The following ASCL3 variants were observed in gnomAD, a reference collection of about 807,000 sequenced individuals.
ASCL3 encodes achaete-scute family bHLH transcription factor 3.
ASCL3 carries 1 observed loss-of-function variant against 2.3 expected under a neutral mutation model. That is an observed-to-expected ratio of 0.44 (90% CI 0.16 to 2.10). The LOEUF (loss-of-function observed/expected upper bound fraction) is 2.10. Ranked by LOEUF, ASCL3 falls within the 30% of genes most tolerant of loss-of-function variation. The pLI is 0.28. For missense variants in ASCL3, 243 were observed against 229.0 expected (o/e 1.06, Z -0.40); for synonymous variants, 98 against 88.5 (o/e 1.11, Z -0.60).
intron 1 of ASCL3, among the ~76,000 whole-genome samples, chr11:8,938,944 T>A (rs1589939226): frequency 6.6e-6 from 1 of 151,068 alleles, no homozygotes; most frequent in African/African-American, 2.4e-5. Flanking sequence ...GCTGGGACCA[T>A]ACGTGGCCAT....
At chr11:8,939,479 T>G (rs2064696237) in intron 1 of ASCL3, among the ~76,000 whole-genome samples, 1 of 152,068 alleles carries the variant, frequency 6.6e-6, no homozygotes, top group Non-Finnish European at 1.5e-5. Flanking sequence ...GACCTCATGA[T>G]CCACCCGCCT....
Position 8,937,944 on chromosome 11 carries a change from G to A in ASCL3, c.218C>T (p.Pro73Leu), listed in dbSNP as rs757468857. 9 of 1,614,054 alleles carry A rather than the reference G, an allele frequency of 5.6e-6. No individual in the cohort carries two copies. Among genetic ancestry groups the A allele is most frequent in the Non-Finnish European group, 7.6e-6 (9 of 1,179,956 alleles). The change falls in exon 2 of 2, where the codon CCC becomes CTC. Residue 73 changes from proline (P) to leucine (L), a missense_variant. By Grantham distance (98) the Pro-to-Leu change is moderately conservative. Transcript: ENST00000531618. ...TGGATAAGGCATCGGGAAAGAGAAG[G>A]GGCAGGGTTCACTGTAATTTCCCAG... ...LILGNYSEPCPFSFPMPYPNY... is the reference protein window; with the variant it reads ...LILGNYSEPCLFSFPMPYPNY...
At chr11:8,942,257 T>C (rs957323627) in intron 1 of ASCL3, among the ~76,000 whole-genome samples, 5 of 152,168 alleles carry the variant, frequency 3.3e-5, no homozygotes, top group Non-Finnish European at 5.9e-5. Flanking sequence ...CCAATCAATG[T>C]ACTAGCATTT....
Position 8,937,653 on chromosome 11 carries a change from G to A in ASCL3, c.509C>T (p.Thr170Ile), listed in dbSNP as rs2064685432. The A allele has an allele frequency of 1.2e-6, 2 of 1,613,936 alleles. No individual in the cohort carries two copies. The highest frequency in any genetic ancestry group is 1.7e-6 in the Non-Finnish European group (2 of 1,179,974). ...PGKVSSMIAT[T>I]SHHADPMFRI... ...GAACATAGGGTCAGCATGGTGGCTG[G>A]TGGTTGCTATCATGGAGGAAACTTT... The change falls in exon 2 of 2, where the codon ACC becomes ATC. Residue 170 changes from threonine (T) to isoleucine (I), a missense_variant. Thr to Ile is a moderately conservative substitution (Grantham distance 89). Coordinates refer to ENST00000531618, the MANE Select transcript of ASCL3 (RefSeq NM_020646.3).
intron 1 of ASCL3, among the ~76,000 whole-genome samples, chr11:8,942,744 C>A (rs1359801562): frequency 6.6e-6 from 1 of 152,154 alleles, no homozygotes; most frequent in Admixed American, 6.5e-5. Context: ...AAGCTAGTAG[C>A]AGAGCAGGGG....
intron 1 of ASCL3, among the ~76,000 whole-genome samples, chr11:8,939,955 G>A (rs1371554640): frequency 6.6e-6 from 1 of 151,986 alleles, no homozygotes; most frequent in East Asian, 1.9e-4. Flanking sequence ...GCTATGTTTA[G>A]GTTTTTAAAT....
At chr11:8,939,786 A>G (rs1467141487) in intron 1 of ASCL3, among the ~76,000 whole-genome samples, 1 of 152,150 alleles carries the variant, frequency 6.6e-6, no homozygotes, top group Non-Finnish European at 1.5e-5. Flanking sequence ...CTGATGTGCT[A>G]GAGGCAAAAC....
chr11:8,941,543 C>T (rs1034850056), intron 1 of ASCL3, among the ~76,000 whole-genome samples: 4 of 110,804 alleles, frequency 3.6e-5, no homozygotes, highest in African/African-American at 1.2e-4. Context: ...GGCAGGGGTG[C>T]CGGGAGGGAG....
At chr11:8,941,499 G>A (rs1172675783) in intron 1 of ASCL3, among the ~76,000 whole-genome samples, 8 of 152,064 alleles carry the variant, frequency 5.3e-5, no homozygotes, top group Non-Finnish European at 2.9e-5. Flanking sequence ...AAGTATGAAG[G>A]TCAGGGGACT....
chr11:8,942,745 A>C (rs557281843), intron 1 of ASCL3, among the ~76,000 whole-genome samples: 3 of 152,330 alleles, frequency 2.0e-5, no homozygotes, highest in African/African-American at 4.8e-5. Flanking sequence ...AGCTAGTAGC[A>C]GAGCAGGGGC....
rs186739464 is a variant in ASCL3, at chr11:8,938,491, C to T, written c.-12-318G>A. Among the ~76,000 whole-genome samples, 306 of 151,986 alleles carry T rather than the reference C, an allele frequency of 2.0e-3. 3 individuals carry two copies. Among genetic ancestry groups the T allele is most frequent in the Non-Finnish European group, 3.4e-3 (230 of 67,978 alleles). Reference sequence around the variant, plus strand: ...GTCTCGATCTCTTGACCTTGTGATCCGCCCGCCTCAGCCTCCCAAAGTGCT... The same window carrying T: ...GTCTCGATCTCTTGACCTTGTGATCTGCCCGCCTCAGCCTCCCAAAGTGCT... On this transcript the variant is annotated intron_variant, in intron 1 of 1. Transcript: ENST00000531618.
In ASCL3 at chr11:8,937,757, G is replaced by A. The variant is rs2064686026; in HGVS notation, c.405C>T (p.Leu135=). 1.9e-6 allele frequency: 3 copies of A among 1,613,942 alleles called. No homozygotes were observed. Among genetic ancestry groups the A allele is most frequent in the Non-Finnish European group, 1.7e-6 (2 of 1,179,984 alleles). ...LEKRLSKVET[L]RAAIKYINYL... is the part of the protein sequence containing the mutation. ...AGTTAATGTACTTGATCGCAGCTCT[G>A]AGGGTTTCCACTTTGCTGAGTCGCT... The change falls in exon 2 of 2, where the codon CTC becomes CTT. Residue 135 remains leucine, a synonymous_variant. Transcript: ENST00000531618.
chr11:8,937,841 T>C lies in ASCL3; in HGVS notation c.321A>G (p.Lys107=), dbSNP rs2064686803. The C allele has an allele frequency of 1.2e-6, 2 of 1,613,964 alleles. No individual in the cohort carries two copies. Among genetic ancestry groups the C allele is most frequent in the African/African-American group, 2.7e-5 (2 of 74,922 alleles). Residue 107 remains lysine (K), a synonymous_variant, in exon 2 of 2, where the codon AAA becomes AAG. Coordinates refer to ENST00000531618, the MANE Select transcript of ASCL3 (RefSeq NM_020646.3). The part of the protein sequence containing the change: ...KRNERERQRV[K]CVNEGYAQLR... ...GCTGGGCGTAGCCTTCATTGACACA[T>C]TTCACCCGCTGCCTTTCCCGCTCAT...
In ASCL3 at chr11:8,937,982, G is replaced by C. The variant is rs769057327; in HGVS notation, c.180C>G (p.Ser60Arg). 1.7e-5 allele frequency: 27 copies of C among 1,613,988 alleles called. No individual in the cohort carries two copies. In the South Asian group the frequency reaches 2.7e-4, roughly 16 times the overall value. The stretch of plus-strand genomic sequence containing the variant: ...TGTAATTTCCCAGGATAAGAGAGTC[G>C]CTGGGAAAAGGCAGCCGTGGCAGCT... ...SEELPRLPFP[S>R]DSLILGNYSE... Residue 60 changes from serine to arginine, a missense_variant, in exon 2 of 2, where the codon AGC (serine) becomes AGG (arginine). Transcript: ENST00000531618.
In ASCL3 at chr11:8,937,907, C is replaced by T; in HGVS notation, c.255G>A (p.Gly85=). Reference sequence around the variant, plus strand: ...AGGCTGGCCCGTAGGAGTACTCGCACCCTCTGTAATTTGGATAAGGCATCG... The same window carrying T: ...AGGCTGGCCCGTAGGAGTACTCGCATCCTCTGTAATTTGGATAAGGCATCG... ...SFPMPYPNYR[G]CEYSYGPAFT... is the part of the protein sequence containing the mutation. The change falls in exon 2 of 2, where the codon GGG becomes GGA. Residue 85 remains glycine, a synonymous_variant. Transcript: ENST00000531618. The T allele has an allele frequency of 6.2e-7, 1 of 1,614,106 alleles. No homozygotes were observed. Among genetic ancestry groups the T allele is most frequent in the South Asian group, 1.1e-5 (1 of 91,082 alleles).
At chr11:8,938,256 A>T (rs1049743008) in intron 1 of ASCL3, 83 bp from the exon 2 acceptor site, 1 of 1,281,396 alleles carries the variant, frequency 7.8e-7, no homozygotes, top group East Asian at 2.3e-5. Flanking sequence ...GTTTTATTTT[A>T]TTTTATTTTT....
In ASCL3 at chr11:8,938,030, C is replaced by T. The variant is rs200189639; in HGVS notation, c.132G>A (p.Pro44=). 27 of 1,613,704 alleles carry T rather than the reference C, an allele frequency of 1.7e-5. No individual in the cohort carries two copies. Among genetic ancestry groups the T allele is most frequent in the Admixed American group, 8.3e-5 (5 of 59,964 alleles). Residue 44 remains proline (P), a synonymous_variant, in exon 2 of 2, where the codon CCG becomes CCA. Coordinates refer to ENST00000531618, the MANE Select transcript of ASCL3 (RefSeq NM_020646.3). ...MVTFHVHPEA[P]VSSPYSEELP... ...GCTCCTCAGAGTAAGGGGATGACAC[C>T]GGGGCCTCTGGGTGCACGTGGAAAG... is the stretch of plus-strand genomic sequence containing the variant.
chr11:8,942,590 G>T (rs1218179207), intron 1 of ASCL3, among the ~76,000 whole-genome samples: 1 of 152,042 alleles, frequency 6.6e-6, no homozygotes, highest in Non-Finnish European at 1.5e-5. Context: ...GAGCATAAAA[G>T]CTTCAAATTT....
At chr11:8,942,718 T>A (rs538275232) in intron 1 of ASCL3, among the ~76,000 whole-genome samples, 1 of 152,318 alleles carries the variant, frequency 6.6e-6, no homozygotes, top group South Asian at 2.1e-4. Flanking sequence ...GGTTGTGATA[T>A]GTTGCTAAGG....
Sources: gnomAD v4.1 joint callset for allele counts (sites outside exome capture counted in the v4.1 genomes callset) on GRCh38, gnomAD v4.1.1 for gene constraint, MANE v1.5 for transcripts, NCBI Gene and HGNC (gene_info 2026-07-23, HGNC 2026-07-21) for gene names.